The following ATXN7 variants were observed in gnomAD, a reference collection of about 807,000 sequenced individuals.
ATXN7 encodes ataxin 7.
In ATXN7, 12 loss-of-function variants were observed where a neutral mutation model predicts 70.5. That is an observed-to-expected ratio of 0.17 (90% confidence interval 0.11 to 0.28). The LOEUF is 0.28. Ranked by LOEUF, ATXN7 falls within the 10% of genes least tolerant of loss-of-function variation. The probability of loss-of-function intolerance (pLI) is 1.00; values close to 1 mark genes in which losing one functional copy is unlikely to be tolerated. For synonymous variants in ATXN7, 498 were observed against 448.7 expected, an observed-to-expected ratio of 1.11 and a Z score of -1.39; for missense variants, 1,256 against 1,131.7, an observed-to-expected ratio of 1.11 and a Z score of -1.58.
chr3:63,867,314 T>G (rs1261874530), intron 1 of ATXN7, among the ~76,000 whole-genome samples: 1 of 152,194 alleles, frequency 6.6e-6, no homozygotes, highest in Non-Finnish European at 1.5e-5. Flanking sequence ...AAATGGAAGT[T>G]AGAATTCTTT....
At chr3:63,876,079 T>G (rs377594053) in intron 1 of ATXN7, among the ~76,000 whole-genome samples, 1 of 152,352 alleles carries the variant, frequency 6.6e-6, no homozygotes, top group East Asian at 1.9e-4. Flanking sequence ...AAAAAACTAT[T>G]TTTTCCTCTT....
At chr3:63,938,616 A>G (rs2074704087) in intron 4 of ATXN7, among the ~76,000 whole-genome samples, 1 of 152,218 alleles carries the variant, frequency 6.6e-6, no homozygotes, top group African/African-American at 2.4e-5. Context: ...ATTAAAACCA[A>G]AAGAACAGTT....
chr3:63,960,032 A>T (rs1249034889), intron 5 of ATXN7, among the ~76,000 whole-genome samples: 2 of 152,202 alleles, frequency 1.3e-5, no homozygotes, highest in African/African-American at 4.8e-5. Context: ...AGATTGTTTC[A>T]GGTAGTGATA....
chr3:63,987,326 A>G (rs10510902), intron 8 of ATXN7, among the ~76,000 whole-genome samples: 6,992 of 152,196 alleles, frequency 0.046, 202 homozygotes, highest in African/African-American at 0.072. Flanking sequence ...CTGTGTATCC[A>G]TTTCTTAATT....
chr3:63,957,473 A>G (rs1225994328), intron 5 of ATXN7, among the ~76,000 whole-genome samples: 1 of 152,230 alleles, frequency 6.6e-6, no homozygotes, highest in Non-Finnish European at 1.5e-5. Flanking sequence ...AAATCAGACC[A>G]CTTTTATTTA....
chr3:63,977,482 C>G (rs911743165), intron 5 of ATXN7, among the ~76,000 whole-genome samples: 1 of 152,042 alleles, frequency 6.6e-6, no homozygotes, highest in Admixed American at 6.6e-5. Context: ...ACATGCTGTT[C>G]CTTTAGTGCA....
Position 63,996,134 on chromosome 3 carries a change from G to T in ATXN7, c.2312G>T (p.Arg771Leu), listed in dbSNP as rs372175214. 5.5e-5 allele frequency: 89 copies of T among 1,614,040 alleles called. No homozygotes were observed. The highest frequency in any genetic ancestry group is 6.9e-5 in the Non-Finnish European group (82 of 1,180,036). ...VTNKANAVNV[R>L]HDQSGRGPPT... ...AATAAAGCAAATGCGGTGAACGTCC[G>T]GCATGACCAGTCAGGGAGGGGCCCC... The change falls in exon 12 of 13, where the codon CGG becomes CTG. Residue 771 changes from arginine to leucine, a missense_variant. Transcript: ENST00000674280.
At chr3:63,952,182 G>A (rs1575941954) in intron 4 of ATXN7, among the ~76,000 whole-genome samples, 197 bp from the exon 5 acceptor site, 1 of 152,062 alleles carries the variant, frequency 6.6e-6, no homozygotes, top group African/African-American at 2.4e-5. Context: ...ATTATTTTTG[G>A]TGCACTTTAA....
Position 63,912,958 on chromosome 3 carries a change from C to T in ATXN7, c.325+35C>T, listed in dbSNP as rs543266864. 5.2e-5 allele frequency: 80 copies of T among 1,524,630 alleles called. 1 individual carries two copies. The African/African-American group carries it at 9.6e-4, about 18-fold the overall frequency. 94.4% of individuals were successfully genotyped at this position (1,524,630 alleles called of 1,614,324 possible). ...CACGCCCTCCTCCCCCCTTCACCCC[C>T]TCGCGACCCCCTCCTCTCTCCTCCC... On this transcript the variant is annotated intron_variant, in intron 3 of 12. Transcript: ENST00000674280.
At position 63,980,012 on chromosome 3, in the gene ATXN7, T is replaced by C. The variant is rs2075458792; in HGVS notation, c.597T>C (p.Ser199=). 1 of 1,614,182 alleles carries C rather than the reference T, an allele frequency of 6.2e-7. No homozygotes were observed. Among genetic ancestry groups the C allele is most frequent in the Non-Finnish European group, 8.5e-7 (1 of 1,180,026 alleles). ...FPSLSKSKGG[S]ASGSNRSSSG... ...CTCTGTCCAAAAGCAAAGGAGGCAG[T>C]GCAAGTGGAAGCAACCGTTCTTCCA... The change falls in exon 6 of 13, where the codon AGT becomes AGC. Residue 199 remains serine (S), a synonymous_variant. Coordinates refer to ENST00000674280, the MANE Select transcript of ATXN7 (RefSeq NM_001377405.1).
intron 1 of ATXN7, among the ~76,000 whole-genome samples, chr3:63,895,021 T>C (rs1042732758): frequency 6.6e-6 from 1 of 152,180 alleles, no homozygotes; most frequent in African/African-American, 2.4e-5. Flanking sequence ...TGTGCTTTCC[T>C]TGTAGGACTA....
intron 1 of ATXN7, among the ~76,000 whole-genome samples, chr3:63,865,583 ATAGT>A (rs1174962284): frequency 6.6e-6 from 1 of 152,120 alleles, no homozygotes; most frequent in Non-Finnish European, 1.5e-5. Context: ...TTTGGTGGGG[ATAGT>A]TATTGTTTAG....
chr3:63,988,441 G>GT (rs1159695141), intron 9 of ATXN7, 117 bp downstream of exon 9: 2 of 1,309,684 alleles, frequency 1.5e-6, no homozygotes, highest in Non-Finnish European at 2.1e-6. Context: ...TGTGGAGATA[G>GT]TTTTTTAAGG....
intron 5 of ATXN7, among the ~76,000 whole-genome samples, chr3:63,978,985 A>C (rs962120368): frequency 1.1e-4 from 17 of 152,242 alleles, no homozygotes; most frequent in African/African-American, 4.1e-4. Context: ...ACTTAGAGTT[A>C]AGCAAATGTG....
rs368531921 is a variant in ATXN7, at chr3:63,888,685, A to C, written c.-110-9714A>C. Among the ~76,000 whole-genome samples, 55 of 152,316 alleles carry C rather than the reference A, an allele frequency of 3.6e-4. No individual in the cohort carries two copies. The East Asian group carries it at 4.8e-3, about 13-fold the overall frequency. On this transcript the variant is annotated intron_variant, in intron 1 of 12. Coordinates refer to ENST00000674280, the MANE Select transcript of ATXN7 (RefSeq NM_001377405.1). ...CAGTTACTCGGGAGGCTGAGGCAGG[A>C]GAATCGCTTGAACCTGGGAGGCAGA...
At chr3:63,954,446 G>T (rs539978946) in intron 5 of ATXN7, among the ~76,000 whole-genome samples, 1 of 152,270 alleles carries the variant, frequency 6.6e-6, no homozygotes, top group Non-Finnish European at 1.5e-5. Flanking sequence ...GGCAGGCTGG[G>T]ACTAGCTCAC....
chr3:63,961,974 A>ACCCCACTAAGCTGTGATCTTG (rs2075140046), intron 5 of ATXN7, among the ~76,000 whole-genome samples: 1 of 152,250 alleles, frequency 6.6e-6, no homozygotes, highest in East Asian at 1.9e-4. Flanking sequence ...TGCGATTTCA[A>ACCCCACTAAGCTGTGATCTTG]CCCCACTAAG....
intron 1 of ATXN7, among the ~76,000 whole-genome samples, chr3:63,872,280 A>C (rs1702620016): frequency 6.6e-6 from 1 of 152,260 alleles, no homozygotes; most frequent in African/African-American, 2.4e-5. Context: ...TATTGTTAAC[A>C]ACCCATTCCA....
intron 5 of ATXN7, among the ~76,000 whole-genome samples, chr3:63,967,080 A>G (rs1476215058): frequency 6.6e-6 from 1 of 152,262 alleles, no homozygotes; most frequent in South Asian, 2.1e-4. Flanking sequence ...TTGGGATTAC[A>G]GGTGTGAGCC....
Sources: allele counts gnomAD v4.1 joint callset (sites outside exome capture counted in the v4.1 genomes callset), GRCh38; gene constraint gnomAD v4.1.1; transcripts MANE v1.5; gene names NCBI Gene and HGNC (gene_info 2026-07-23, HGNC 2026-07-21).